The following KCNIP1 variants were observed in gnomAD, a reference collection of about 807,000 sequenced individuals.
KCNIP1 encodes A-type potassium channel modulatory protein KCNIP1.
A neutral mutation model predicts 33.0 loss-of-function variants in KCNIP1; 18 were observed. The ratio of observed to expected loss-of-function variants is 0.55; its 90% confidence interval spans 0.38 to 0.81. KCNIP1 has a LOEUF of 0.81. KCNIP1 is among the 30% of genes least tolerant of loss of function. The pLI is 0.00. For missense variants in KCNIP1, 238 were observed against 271.6 expected, an observed-to-expected ratio of 0.88 and a Z score of 0.87; for synonymous variants, 93 against 98.3, an observed-to-expected ratio of 0.95 and a Z score of 0.32.
intron 1 of KCNIP1, among the ~76,000 whole-genome samples, chr5:170,521,860 T>G (rs1295541458): frequency 6.6e-6 from 1 of 152,222 alleles, no homozygotes; most frequent in Non-Finnish European, 1.5e-5. Context: ...ATCATTCATA[T>G]AACTTCTTGA....
rs35933824 is a variant in KCNIP1 at position 170,578,210 on chromosome 5, G to A, written c.61+73577G>A. On this transcript the variant is annotated intron_variant, in intron 1 of 7. Transcript: ENST00000328939. ...GGGGAAAGAAAACTAGAGGAATCTAGTAGACAGTAGCAGATGCTGAGGAGA... is the reference window on the plus strand; with the variant it reads ...GGGGAAAGAAAACTAGAGGAATCTAATAGACAGTAGCAGATGCTGAGGAGA... Among the ~76,000 whole-genome samples, 735 of 152,336 alleles carry A rather than the reference G, an allele frequency of 4.8e-3. 10 individuals carry two copies. Among genetic ancestry groups the A allele is most frequent in the Non-Finnish European group, 5.4e-3 (368 of 68,044 alleles).
rs1304523300 is a variant in KCNIP1, at chr5:170,579,066, C to G, written c.61+74433C>G. 2.6e-5 allele frequency among the ~76,000 whole-genome samples: 4 copies of G among 152,320 alleles called. No homozygotes were observed. In the East Asian group the frequency reaches 5.8e-4, roughly 22 times the overall value. On this transcript the variant is annotated intron_variant, in intron 1 of 7. Coordinates refer to ENST00000328939, the MANE Select transcript of KCNIP1 (RefSeq NM_014592.4). ...GCTGTGTAACAAACCATCCAAACCT[C>G]AATGGCATAGTAGAGGTAGCTGAGT... is the stretch of plus-strand genomic sequence containing the variant.
At chr5:170,537,185 G>A (rs1386818513) in intron 1 of KCNIP1, among the ~76,000 whole-genome samples, 1 of 152,158 alleles carries the variant, frequency 6.6e-6, no homozygotes, top group Non-Finnish European at 1.5e-5. Flanking sequence ...AGAAAGGATT[G>A]TGCTGAGTAG....
intron 1 of KCNIP1, among the ~76,000 whole-genome samples, chr5:170,355,404 T>C (rs921359819): frequency 6.6e-5 from 10 of 152,192 alleles, no homozygotes; most frequent in Non-Finnish European, 1.5e-4. Flanking sequence ...AGGTTTTCTT[T>C]CCTCATTACA....
At chr5:170,390,517 A>AAAAAAAAATATATATATAT in intron 1 of KCNIP1, among the ~76,000 whole-genome samples, 2 of 74,542 alleles carry the variant, frequency 2.7e-5, no homozygotes, top group African/African-American at 6.4e-5. Context: ...AAAAAAAACA[A>AAAAAAAAATATATATATAT]ATATATATAT....
intron 1 of KCNIP1, among the ~76,000 whole-genome samples, chr5:170,623,210 C>CTTT (rs59210675): frequency 6.8e-6 from 1 of 148,048 alleles, no homozygotes. Context: ...CGACCCCTGT[C>CTTT]TTTTTTTTTT....
At chr5:170,500,766 T>C (rs528651447), upstream of KCNIP1, among the ~76,000 whole-genome samples, 8 of 152,318 alleles carry the variant, frequency 5.3e-5, no homozygotes, top group Non-Finnish European at 8.8e-5. Context: ...CTGCAAATAA[T>C]ACCCATGTCA....
chr5:170,686,583 C>T (rs1762542885), intron 1 of KCNIP1, among the ~76,000 whole-genome samples: 1 of 152,222 alleles, frequency 6.6e-6, no homozygotes, highest in African/African-American at 2.4e-5. Context: ...AGCAGCCCAC[C>T]TTACACTTGA....
At chr5:170,556,084 G>C (rs6862933) in intron 1 of KCNIP1, among the ~76,000 whole-genome samples, 16,543 of 152,206 alleles carry the variant, frequency 0.11, 2,895 homozygotes, top group African/African-American at 0.36. Flanking sequence ...AAATATGTAC[G>C]AGGCACGGGA....
intron 1 of KCNIP1, among the ~76,000 whole-genome samples, chr5:170,675,305 T>A (rs574372959): frequency 1.0e-4 from 15 of 149,912 alleles, no homozygotes; most frequent in South Asian, 2.1e-4. Flanking sequence ...TCTCAAAAAA[T>A]ATATATATAT....
At chr5:170,457,830 T>C (rs983822176) in intron 1 of KCNIP1, among the ~76,000 whole-genome samples, 9 of 152,136 alleles carry the variant, frequency 5.9e-5, no homozygotes, top group Non-Finnish European at 1.3e-4. Context: ...CAGCAATGGA[T>C]GCAAACCAAG....
intron 1 of KCNIP1, among the ~76,000 whole-genome samples, chr5:170,632,511 TGAG>T (rs1285928729): frequency 3.9e-5 from 6 of 152,200 alleles, no homozygotes; most frequent in Non-Finnish European, 8.8e-5. Context: ...AGGCGGGAGA[TGAG>T]GAGGAGCAGC....
At chr5:170,410,321 A>C (rs13167171) in intron 1 of KCNIP1, among the ~76,000 whole-genome samples, 1 of 102,404 alleles carries the variant, frequency 9.8e-6, no homozygotes, top group Admixed American at 1.0e-4. Context: ...AGACACAGTG[A>C]AGGTGTACCA....
chr5:170,576,561 A>C (rs1306211455), intron 1 of KCNIP1, among the ~76,000 whole-genome samples: 2 of 152,234 alleles, frequency 1.3e-5, no homozygotes, highest in Admixed American at 6.5e-5. Context: ...ACCCAATGCA[A>C]GCACAGGATT....
chr5:170,465,634 C>T lies in KCNIP1; in HGVS notation c.88+111670C>T, dbSNP rs558491380. Among the ~76,000 whole-genome samples, 11 of 152,202 alleles carry T rather than the reference C, an allele frequency of 7.2e-5. No homozygotes were observed. In the South Asian group the frequency reaches 2.3e-3, roughly 32 times the overall value. On this transcript the variant is annotated intron_variant, in intron 1 of 7. Coordinates refer to the KCNIP1 transcript ENST00000377360. ...GACCTTCATCACGCACACACACAAA[C>T]ACAAAGAGAGAGACAGAAAGAGAGA...
chr5:170,586,240 C>T (rs1476733483), intron 1 of KCNIP1, among the ~76,000 whole-genome samples: 3 of 152,192 alleles, frequency 2.0e-5, no homozygotes, highest in Non-Finnish European at 2.9e-5. Context: ...GTGTATCCTC[C>T]AAATGCATGA....
chr5:170,434,805 A>G (rs1755823226), intron 1 of KCNIP1, among the ~76,000 whole-genome samples: 1 of 152,078 alleles, frequency 6.6e-6, no homozygotes, highest in East Asian at 1.9e-4. Flanking sequence ...AAATACAAAA[A>G]TCAGCCGGGC....
chr5:170,676,743 G>A (rs1001591228), intron 1 of KCNIP1, among the ~76,000 whole-genome samples: 4 of 152,144 alleles, frequency 2.6e-5, no homozygotes, highest in African/African-American at 7.2e-5. Flanking sequence ...GAACTGCTCC[G>A]ATCTTGTGGG....
intron 1 of KCNIP1, among the ~76,000 whole-genome samples, chr5:170,611,364 C>T (rs1759145366): frequency 6.6e-6 from 1 of 152,202 alleles, no homozygotes; most frequent in Non-Finnish European, 1.5e-5. Flanking sequence ...CATTTCTCTC[C>T]CCTGGGCCCC....
Sources: gnomAD v4.1 joint callset for allele counts (sites outside exome capture counted in the v4.1 genomes callset) on GRCh38, gnomAD v4.1.1 for gene constraint, MANE v1.5 for transcripts, NCBI Gene and HGNC (gene_info 2026-07-23, HGNC 2026-07-21) for gene names.